SOX30: variants seen among roughly 807,000 people sequenced by gnomAD.
SOX30 encodes SRY-box transcription factor 30, also known as transcription factor SOX-30.
Under a neutral mutation model 58.6 loss-of-function variants are expected in SOX30, and 17 were observed. That is an observed-to-expected ratio of 0.29 (90% CI 0.20 to 0.44). The LOEUF (loss-of-function observed/expected upper bound fraction) is 0.44, where lower values mean the gene tolerates loss of function less well. SOX30 is among the 20% of genes least tolerant of loss of function. The probability of loss-of-function intolerance (pLI) is 1.00; values close to 1 mark genes in which losing one functional copy is unlikely to be tolerated. For missense variants in SOX30, 951 were observed against 965.8 expected (o/e 0.98, Z 0.20); for synonymous variants, 421 against 400.2 (o/e 1.05, Z -0.62).
chr5:157,667,439 T>TA (rs1759693736), intron 2 of SOX30, among the ~76,000 whole-genome samples: 1 of 152,114 alleles, frequency 6.6e-6, no homozygotes, highest in South Asian at 2.1e-4. Context: ...AAAACCAGTT[T>TA]AAAAACCTTG....
chr5:157,661,101 T>C (rs1581407795), intron 2 of SOX30, among the ~76,000 whole-genome samples: 1 of 152,338 alleles, frequency 6.6e-6, no homozygotes, highest in East Asian at 1.9e-4. Context: ...TTGCAGTTGG[T>C]TGTATGTTGA....
At chr5:157,632,431 C>A (rs537248256) in intron 4 of SOX30, among the ~76,000 whole-genome samples, 1 of 152,174 alleles carries the variant, frequency 6.6e-6, no homozygotes. Flanking sequence ...CCAGTAGAGA[C>A]GGGTGAAACC....
chr5:157,651,990 C>A lies in SOX30; in HGVS notation c.89G>T (p.Trp30Leu). The stretch of plus-strand genomic sequence containing the variant: ...CGGAGGGGGCTCCATGGCTGCTGCC[C>A]AAAAGGAGGTGCCCTCGACCGGCAG... ...PPLPVEGTSF[W>L]AAAMEPPPSS... The change falls in exon 1 of 5, where the codon TGG becomes TTG. Residue 30 changes from tryptophan to leucine, a missense_variant. Trp to Leu is a moderately conservative substitution (Grantham distance 61). Transcript: ENST00000265007. The A allele has an allele frequency of 6.9e-7, 1 of 1,439,866 alleles. No individual in the cohort carries two copies. Among genetic ancestry groups the A allele is most frequent in the Non-Finnish European group, 9.1e-7 (1 of 1,104,826 alleles). The allele number at this position is 1,439,866 out of a possible 1,614,324, so 89.2% of individuals were successfully genotyped here. A position where few individuals can be genotyped will look rare whatever the true frequency, so the allele number is the denominator to read the frequency against.
At chr5:157,647,380 C>T (rs559483215) in intron 2 of SOX30, among the ~76,000 whole-genome samples, 1 of 151,838 alleles carries the variant, frequency 6.6e-6, no homozygotes, top group South Asian at 2.1e-4. Flanking sequence ...TGTTTTATAA[C>T]CAATGACACA....
chr5:157,667,453 C>T (rs988718862), intron 2 of SOX30, among the ~76,000 whole-genome samples: 15 of 152,182 alleles, frequency 9.9e-5, no homozygotes, highest in African/African-American at 3.6e-4. Flanking sequence ...AACCTTGAGG[C>T]TGGGTATGGT....
chr5:157,656,386 T>C (rs1759473156), upstream of SOX30, among the ~76,000 whole-genome samples: 1 of 152,226 alleles, frequency 6.6e-6, no homozygotes. Flanking sequence ...AGGTCAGATA[T>C]TAGGTTTGCT....
chr5:157,651,060 A>C, intron 1 of SOX30, 52 bp downstream of exon 1: 1 of 1,338,178 alleles, frequency 7.5e-7, no homozygotes, highest in Non-Finnish European at 1.0e-6. Flanking sequence ...CAAAACAGCT[A>C]TGGGCAACAC....
At chr5:157,634,021 GA>G (rs2113835519) in intron 4 of SOX30, among the ~76,000 whole-genome samples, 1 of 152,316 alleles carries the variant, frequency 6.6e-6, no homozygotes, top group Admixed American at 6.5e-5. Context: ...TACACAGAAA[GA>G]GAGCATTTTG....
intron 3 of SOX30, among the ~76,000 whole-genome samples, chr5:157,644,613 G>C (rs1463644168): frequency 6.6e-6 from 1 of 152,088 alleles, no homozygotes; most frequent in African/African-American, 2.4e-5. Context: ...TTTAACAGTG[G>C]GTAGAAGCAG....
intron 4 of SOX30, among the ~76,000 whole-genome samples, chr5:157,633,015 A>G (rs1758847894): frequency 1.3e-5 from 2 of 152,130 alleles, no homozygotes; most frequent in South Asian, 2.1e-4. Flanking sequence ...CTTGAACCCC[A>G]GAGGCAGAGG....
chr5:157,670,809 G>A (rs928577142), intron 1 of SOX30, among the ~76,000 whole-genome samples: 1 of 152,192 alleles, frequency 6.6e-6, no homozygotes, highest in African/African-American at 2.4e-5. Context: ...TGGGAAAAAT[G>A]ACTTGTTCAG....
At chr5:157,670,063 T>A (rs887703314) in intron 1 of SOX30, among the ~76,000 whole-genome samples, 4 of 152,162 alleles carry the variant, frequency 2.6e-5, no homozygotes, top group Non-Finnish European at 4.4e-5. Flanking sequence ...ATGTTCTGGA[T>A]CCTCATCATC....
intron 3 of SOX30, among the ~76,000 whole-genome samples, chr5:157,640,619 G>T (rs1759038782): frequency 6.6e-6 from 1 of 152,066 alleles, no homozygotes; most frequent in Non-Finnish European, 1.5e-5. Context: ...CTTACTCAAG[G>T]GAATTAACTC....
intron 4 of SOX30, among the ~76,000 whole-genome samples, chr5:157,627,356 C>T (rs1000436624): frequency 6.6e-6 from 1 of 151,766 alleles, no homozygotes; most frequent in South Asian, 2.1e-4. Flanking sequence ...AGTGAGACTC[C>T]GCCTCCAAAA....
At chr5:157,642,673 A>C (rs984796173) in intron 3 of SOX30, among the ~76,000 whole-genome samples, 1 of 152,096 alleles carries the variant, frequency 6.6e-6, no homozygotes. Flanking sequence ...CAAAAATAAC[A>C]ACAACAACAA....
chr5:157,651,333 C>G lies in SOX30; in HGVS notation c.746G>C (p.Gly249Ala), dbSNP rs769691191. The G allele has an allele frequency of 1.2e-6, 2 of 1,614,022 alleles. No homozygotes were observed. The highest frequency in any genetic ancestry group is 1.7e-6 in the Non-Finnish European group (2 of 1,180,042). Residue 249 changes from glycine (G) to alanine (A), a missense_variant, in exon 1 of 5, where the codon GGT becomes GCT. By Grantham distance (60) the Gly-to-Ala change is moderately conservative (BLOSUM62 0). This residue lies in a region of SOX30 where 84 missense variants were observed against 68.2 expected (regional missense o/e 1.23). Transcript: ENST00000265007. Reference protein sequence around the residue: ...SAEVILAPTSGAFGPHQQDLR... With the variant: ...SAEVILAPTSAAFGPHQQDLR... ...GTCTTGCTGGTGCGGCCCAAAGGCA[C>G]CGGACGTTGGGGCCAAGATGACCTC...
chr5:157,651,111 C>T lies in SOX30; in HGVS notation c.967+1G>A. Reference sequence around the variant, plus strand: ...AACCCGACTCCCCTGCTGTCTAATACCTGCATCTGAGGGCAACACGGTGAG... The same window carrying T: ...AACCCGACTCCCCTGCTGTCTAATATCTGCATCTGAGGGCAACACGGTGAG... On this transcript the variant is annotated splice_donor_variant, in intron 1 of 4. Transcript: ENST00000265007. LOFTEE classifies it high-confidence loss of function. 1 of 1,530,280 alleles carries T rather than the reference C, an allele frequency of 6.5e-7. No individual in the cohort carries two copies. The highest frequency in any genetic ancestry group is 8.8e-7 in the Non-Finnish European group (1 of 1,139,242). The allele number at this position is 1,530,280 out of a possible 1,614,324, so 94.8% of individuals were successfully genotyped here.
chr5:157,648,611 A>G (rs1480127542), intron 2 of SOX30, 46 bp downstream of exon 2: 5 of 1,572,414 alleles, frequency 3.2e-6, no homozygotes, highest in Non-Finnish European at 4.3e-6. Flanking sequence ...CTTTAACTAA[A>G]TAAATTCATT....
At chr5:157,666,476 TAG>T (rs1759673357) in intron 2 of SOX30, among the ~76,000 whole-genome samples, 1 of 106,832 alleles carries the variant, frequency 9.4e-6, no homozygotes, top group Non-Finnish European at 1.9e-5. Flanking sequence ...TTTAGTCCAG[TAG>T]ACACACACAC....
Sources: gnomAD v4.1 joint callset for allele counts (sites outside exome capture counted in the v4.1 genomes callset) on GRCh38, gnomAD v4.1.1 for gene constraint, gnomAD v4.1.1 regional missense constraint, MANE v1.5 for transcripts, NCBI Gene and HGNC (gene_info 2026-07-23, HGNC 2026-07-21) for gene names.